The following PRB3 variants were observed in gnomAD, a reference collection of about 807,000 sequenced individuals.
PRB3 encodes basic salivary proline-rich protein 3.
A neutral mutation model predicts 10.0 loss-of-function variants in PRB3; 9 were observed. That is an observed-to-expected ratio of 0.90 (90% confidence interval 0.54 to 1.57). The LOEUF (loss-of-function observed/expected upper bound fraction) is 1.57, where lower values mean the gene tolerates loss of function less well. PRB3 is among the 40% of genes most tolerant of loss of function. The pLI is 0.00. For missense variants in PRB3, 285 were observed against 385.5 expected (o/e 0.74, Z 2.18); for synonymous variants, 89 against 138.6 (o/e 0.64, Z 2.52).
intron 3 of PRB3, among the ~76,000 whole-genome samples, 199 bp from the exon 4 acceptor site, chr12:11,266,228 T>G (rs1565761841): frequency 6.6e-6 from 1 of 152,236 alleles, no homozygotes; most frequent in Non-Finnish European, 1.5e-5. Context: ...TCCAAATTGT[T>G]GCTGAGAAGA....
Position 11,267,214 on chromosome 12 carries a change from G to C in PRB3, c.1035C>G (p.Pro345=). The C allele has an allele frequency of 6.2e-7, 1 of 1,614,000 alleles. No homozygotes were observed. Among genetic ancestry groups the C allele is most frequent in the Admixed American group, 1.7e-5 (1 of 60,032 alleles). The part of the protein sequence containing the change: ...PPQGGRPHRP[P]QGQPPQ ...TTGATTACTGGGGAGGCTGTCCCTG[G>C]GGAGGTCTGTGTGGTCTGCCCCCTT... The change falls in exon 3 of 4, where the codon CCC becomes CCG. Residue 345 remains proline (P), a synonymous_variant. Transcript: ENST00000538488.
intron 3 of PRB3, 52 bp downstream of exon 3, chr12:11,267,124 T>G: frequency 1.3e-6 from 2 of 1,506,878 alleles, no homozygotes; most frequent in South Asian, 1.1e-5. Context: ...ACAATAAAGT[T>G]GGAGAACTGT....
At position 11,269,358 on chromosome 12, in the gene PRB3, A is replaced by C. The variant is rs138123796; in HGVS notation, c.64+248T>G. On this transcript the variant is annotated intron_variant, in intron 1 of 3. Transcript: ENST00000538488. The stretch of plus-strand genomic sequence containing the variant: ...ACTGCATCCTTCACAGCACAGTTCT[A>C]TCTCTCTATAAATGCAAATCTTACC... Among the ~76,000 whole-genome samples, 6 of 152,236 alleles carry C rather than the reference A, an allele frequency of 3.9e-5. No individual in the cohort carries two copies. The East Asian group carries it at 7.7e-4, about 20-fold the overall frequency.
Position 11,267,220 on chromosome 12 carries a change from T to A in PRB3, c.1029A>T (p.Arg343Ser), listed in dbSNP as rs1948595026. 33 of 1,613,794 alleles carry A rather than the reference T, an allele frequency of 2.0e-5. No homozygotes were observed. Among genetic ancestry groups the A allele is most frequent in the Non-Finnish European group, 2.8e-5 (33 of 1,179,854 alleles). The change falls in exon 3 of 4, where the codon AGA (arginine) becomes AGT (serine). Residue 343 changes from arginine (R) to serine (S), a missense_variant. Physicochemically the swap from Arg to Ser is moderately radical, Grantham distance 110. This residue lies in a region of PRB3 where 108 missense variants were observed against 106.9 expected (regional missense o/e 1.01). Coordinates refer to ENST00000538488, the MANE Select transcript of PRB3 (RefSeq NM_001394862.1). The stretch of plus-strand genomic sequence containing the variant: ...ACTGGGGAGGCTGTCCCTGGGGAGG[T>A]CTGTGTGGTCTGCCCCCTTGAGGAG... Reference protein sequence around the residue: ...PPPPQGGRPHRPPQGQPPQ With the variant: ...PPPPQGGRPHSPPQGQPPQ
chr12:11,266,766 A>G (rs1339237670), intron 3 of PRB3, among the ~76,000 whole-genome samples: 2 of 152,200 alleles, frequency 1.3e-5, no homozygotes, highest in Non-Finnish European at 2.9e-5. Flanking sequence ...ATGAGACACC[A>G]TTTAGCTGCT....
At chr12:11,268,516 G>C in intron 2 of PRB3, 117 bp downstream of exon 2, 1 of 1,340,268 alleles carries the variant, frequency 7.5e-7, no homozygotes, top group Non-Finnish European at 1.1e-6. Context: ...CATTATTAGG[G>C]GGACTAATAT....
intron 2 of PRB3, 107 bp downstream of exon 2, chr12:11,268,526 T>C (rs1327062614): frequency 3.5e-6 from 5 of 1,410,684 alleles, no homozygotes; most frequent in Non-Finnish European, 5.0e-6. Context: ...GGGACTAATA[T>C]TAATCAATTT....
At chr12:11,269,227 T>C (rs1487563401) in intron 1 of PRB3, among the ~76,000 whole-genome samples, 1 of 152,206 alleles carries the variant, frequency 6.6e-6, no homozygotes, top group Non-Finnish European at 1.5e-5. Context: ...CCATCATCAA[T>C]GCTGATCCAC....
chr12:11,268,064 G>C lies in PRB3; in HGVS notation c.185C>G (p.Pro62Arg). 1.2e-6 allele frequency: 2 copies of C among 1,605,990 alleles called. No homozygotes were observed. Among genetic ancestry groups the C allele is most frequent in the Non-Finnish European group, 1.7e-6 (2 of 1,175,308 alleles). ...PPPGKPEGRPPQGGNQSQGPP... is the reference protein window; with the variant it reads ...PPPGKPEGRPRQGGNQSQGPP... ...ACCTTGGGACTGGTTGCCTCCTTGT[G>C]GGGGTCGTCCTTCTGGCTTTCCTGG... is the stretch of plus-strand genomic sequence containing the variant. Residue 62 changes from proline to arginine, a missense_variant, in exon 3 of 4, where the codon CCA becomes CGA. By Grantham distance (103) the Pro-to-Arg change is moderately radical. This residue lies in a region of PRB3 where 147 missense variants were observed against 129.4 expected (regional missense o/e 1.14). Transcript: ENST00000538488.
chr12:11,268,502 C>T (rs1017969741), intron 2 of PRB3, 131 bp downstream of exon 2: 31 of 1,263,374 alleles, frequency 2.5e-5, no homozygotes, highest in Admixed American at 3.5e-5. Context: ...ATGAAGATTG[C>T]CTGCATTATT....
chr12:11,268,902 C>T (rs1357384675), intron 1 of PRB3, among the ~76,000 whole-genome samples: 1 of 152,000 alleles, frequency 6.6e-6, no homozygotes, highest in Non-Finnish European at 1.5e-5. Flanking sequence ...TTTTTTTCTT[C>T]CCTAGCATCC....
chr12:11,268,249 A>C (rs1213557709), intron 2 of PRB3, 101 bp from the exon 3 acceptor site: 1 of 1,572,556 alleles, frequency 6.4e-7, no homozygotes, highest in African/African-American at 1.4e-5. Context: ...CCCAGACACT[A>C]ATTTCTTTGC....
At chr12:11,268,948 A>G (rs967577693) in intron 1 of PRB3, among the ~76,000 whole-genome samples, 4 of 152,198 alleles carry the variant, frequency 2.6e-5, no homozygotes, top group African/African-American at 9.7e-5. Context: ...TACACATGCC[A>G]GGTACTTCAA....
At chr12:11,268,272 G>C in intron 2 of PRB3, 124 bp from the exon 3 acceptor site, 2 of 1,491,942 alleles carry the variant, frequency 1.3e-6, no homozygotes, top group South Asian at 2.4e-5. Flanking sequence ...TTTCAGTGAA[G>C]CTCTAGAACT....
At position 11,267,310 on chromosome 12, in the gene PRB3, T is replaced by G. The variant is rs1458736724; in HGVS notation, c.939A>C (p.Pro313=). The part of the protein sequence containing the change: ...PPPGRPQGPP[P]PGGNPQQPLP... ...GAGGCTGCTGGGGATTGCCTCCTGG[T>G]GGGGGTGGTCCTTGTGGCCTTCCTG... Residue 313 remains proline, a synonymous_variant, in exon 3 of 4, where the codon CCA becomes CCC. Transcript: ENST00000538488. 6.2e-7 allele frequency: 1 copy of G among 1,610,552 alleles called. No individual in the cohort carries two copies. Among genetic ancestry groups the G allele is most frequent in the Non-Finnish European group, 8.5e-7 (1 of 1,178,468 alleles).
chr12:11,266,893 C>T (rs1260898941), intron 3 of PRB3, among the ~76,000 whole-genome samples: 3 of 152,056 alleles, frequency 2.0e-5, no homozygotes, highest in Admixed American at 1.3e-4. Context: ...GTTTGTGGAC[C>T]GAAAGCAGAG....
intron 1 of PRB3, among the ~76,000 whole-genome samples, chr12:11,269,254 A>G (rs1009739776): frequency 6.6e-6 from 1 of 152,166 alleles, no homozygotes; most frequent in East Asian, 1.9e-4. Context: ...GAGCAAGGCC[A>G]CAATCATCCC....
chr12:11,267,457 T>C lies in PRB3; in HGVS notation c.792A>G (p.Pro264=), dbSNP rs369202988. The C allele has an allele frequency of 7.9e-4, 1,156 of 1,461,926 alleles. 7 individuals carry two copies. Among genetic ancestry groups the C allele is most frequent in the East Asian group, 3.9e-3 (129 of 33,020 alleles). The allele number at this position is 1,461,926 out of a possible 1,614,324, so 90.6% of individuals were successfully genotyped here. Residue 264 remains proline, a synonymous_variant, in exon 3 of 4, where the codon CCA becomes CCG. Coordinates refer to ENST00000538488, the MANE Select transcript of PRB3 (RefSeq NM_001394862.1). ...GTGAAGGTGGTCCTTCTGGCTTTCC[T>C]GGACGAGGTGGGGGACCTTGGGACT... The part of the protein sequence containing the change: ...GNQSQGPPPR[P]GKPEGPPSQG...
chr12:11,269,540 T>C lies in PRB3; in HGVS notation c.64+66A>G, dbSNP rs369878445. On this transcript the variant is annotated intron_variant, in intron 1 of 3. Transcript: ENST00000538488. ...TGTTTTCATTCTCCTCTCTTCCCCA[T>C]AATTACAACTATCACCTCCTAAGCC... is the stretch of plus-strand genomic sequence containing the variant. The C allele has an allele frequency of 8.4e-5, 133 of 1,575,918 alleles. No individual in the cohort carries two copies. The African/African-American group carries it at 8.6e-4, about 10-fold the overall frequency.
Sources: gnomAD v4.1 joint callset for allele counts (sites outside exome capture counted in the v4.1 genomes callset) on GRCh38, gnomAD v4.1.1 for gene constraint, gnomAD v4.1.1 regional missense constraint, MANE v1.5 for transcripts, NCBI Gene and HGNC (gene_info 2026-07-23, HGNC 2026-07-21) for gene names.